ZNF335: variants seen among roughly 807,000 people sequenced by gnomAD.
ZNF335 encodes the protein NRC-interacting factor 1.
ZNF335 carries 84 observed loss-of-function variants against 145.6 expected under a neutral mutation model. The ratio of observed to expected loss-of-function variants is 0.58; its 90% CI spans 0.48 to 0.69. The LOEUF is 0.69. Among genes scored for constraint, ZNF335 ranks in the 30% least tolerant of loss-of-function variants. ZNF335 has a pLI of 0.00. For missense variants in ZNF335, 1,865 were observed against 1,809.7 expected (o/e 1.03, Z -0.55); for synonymous variants, 761 against 717.0 (o/e 1.06, Z -0.98).
chr20:45,953,729 G>T lies in ZNF335; in HGVS notation c.2662C>A (p.Pro888Thr), dbSNP rs748584505. The T allele has an allele frequency of 1.9e-6, 3 of 1,614,100 alleles. No homozygotes were observed. The highest frequency in any genetic ancestry group is 2.5e-6 in the Non-Finnish European group (3 of 1,180,022). ...GTGYSVITAP[P>T]MEEGTSAPGT... ...GGAGCTGATGTTCCCTCCTCCATAG[G>T]GGGTGCTGTGATGACACTGTAGCCA... Residue 888 changes from proline to threonine, a missense_variant, in exon 18 of 28, where the codon CCT becomes ACT. By Grantham distance (38) the Pro-to-Thr change is conservative (BLOSUM62 -1). Coordinates refer to ENST00000322927, the MANE Select transcript of ZNF335 (RefSeq NM_022095.4).
In ZNF335 at chr20:45,969,675, C is replaced by G. The variant is rs369210933; in HGVS notation, c.218G>C (p.Ser73Thr). ...AGGCAGGGGGTCTGCGCTCGAGCTG[C>G]TCTCAGATACCTCCTCCTGAGGGGC... ...GSRSQEEVSE[S>T]SSSADPLPNS... Residue 73 changes from serine to threonine, a missense_variant, in exon 3 of 28, where the codon AGC becomes ACC. Physicochemically the swap from Ser to Thr is moderately conservative, Grantham distance 58 (BLOSUM62 1). Transcript: ENST00000322927. 3.7e-6 allele frequency: 6 copies of G among 1,611,554 alleles called. No homozygotes were observed. In the African/African-American group the frequency reaches 6.7e-5, roughly 18 times the overall value.
At chr20:45,966,713 A>G (rs1471783985) in intron 6 of ZNF335, among the ~76,000 whole-genome samples, 2 of 151,230 alleles carry the variant, frequency 1.3e-5, no homozygotes, top group African/African-American at 4.9e-5. Context: ...CACCACACCC[A>G]GCTAATTTTT....
chr20:45,962,783 T>A (rs1461136420), intron 9 of ZNF335, among the ~76,000 whole-genome samples: 2 of 151,106 alleles, frequency 1.3e-5, no homozygotes, highest in African/African-American at 4.9e-5. Flanking sequence ...TAGCTTGTGT[T>A]AAGGAGAAAA....
intron 17 of ZNF335, 86 bp downstream of exon 17, chr20:45,957,500 C>T (rs1209976684): frequency 1.1e-5 from 14 of 1,315,744 alleles, no homozygotes; most frequent in Admixed American, 1.8e-5. Context: ...AGCTCTGATA[C>T]ACTGTTTTCC....
Position 45,960,599 on chromosome 20 carries a change from C to A in ZNF335, c.1782+17G>T, listed in dbSNP as rs1423248439. 2 of 1,613,960 alleles carry A rather than the reference C, an allele frequency of 1.2e-6. No homozygotes were observed. Among genetic ancestry groups the A allele is most frequent in the Admixed American group, 1.7e-5 (1 of 60,004 alleles). ...GGGGAGGCCCTCCTCTCAGCCCCAG[C>A]CCTGGCTCCCACCCACCTTGTCACA... is the stretch of plus-strand genomic sequence containing the variant. On this transcript the variant is annotated intron_variant, in intron 12 of 27. Transcript: ENST00000322927.
chr20:45,961,580 G>A (rs1277445250), intron 10 of ZNF335: 1 of 152,378 alleles, frequency 6.6e-6, no homozygotes, highest in Non-Finnish European at 1.5e-5. Context: ...CTGTCCCAGG[G>A]GATCTGTCTC....
intron 6 of ZNF335, chr20:45,967,205 T>C: frequency 2.3e-6 from 1 of 434,996 alleles, no homozygotes; most frequent in Non-Finnish European, 4.3e-6. Flanking sequence ...ATCATGATGC[T>C]ACACTCCAGT....
At chr20:45,965,520 C>G in intron 7 of ZNF335, 108 bp downstream of exon 7, 1 of 1,354,130 alleles carries the variant, frequency 7.4e-7, no homozygotes, top group Non-Finnish European at 9.8e-7. Flanking sequence ...CGGTTTGAGA[C>G]AGCTGCCCTG....
chr20:45,967,667 C>A lies in ZNF335; in HGVS notation c.815-33G>T. 1.9e-6 allele frequency: 3 copies of A among 1,612,026 alleles called. No homozygotes were observed. The South Asian group carries it at 3.3e-5, about 18-fold the overall frequency. The stretch of plus-strand genomic sequence containing the variant: ...TGGAGGGAGGGTAAGACAAGCTTGC[C>A]ATGTCTGGCTCCCAGCACCCCACCC... On this transcript the variant is annotated intron_variant, in intron 5 of 27. Transcript: ENST00000322927.
Position 45,949,245 on chromosome 20 carries a change from A to T in ZNF335, c.3826T>A (p.Tyr1276Asn). The change falls in exon 27 of 28, where the codon TAT (tyrosine) becomes AAT (asparagine). Residue 1276 changes from tyrosine to asparagine, a missense_variant. Tyr to Asn is a moderately radical substitution (Grantham distance 143). Coordinates refer to ENST00000322927, the MANE Select transcript of ZNF335 (RefSeq NM_022095.4). ...APFLQESQIQ[Y>N]VPVSPGQQLV... is the part of the protein sequence containing the mutation. The stretch of plus-strand genomic sequence containing the variant: ...TGCTGGCCTGGGGACACAGGCACAT[A>T]CTGGATCTGGAGGGGAGAAGCTGAT... 6.2e-7 allele frequency: 1 copy of T among 1,613,796 alleles called. No individual in the cohort carries two copies. Among genetic ancestry groups the T allele is most frequent in the African/African-American group, 1.3e-5 (1 of 75,010 alleles).
At chr20:45,965,534 G>T in intron 7 of ZNF335, 94 bp downstream of exon 7, 10 of 1,452,454 alleles carry the variant, frequency 6.9e-6, no homozygotes, top group Non-Finnish European at 9.2e-6. Flanking sequence ...TGCCCTGCAG[G>T]GCACACTCAG....
At chr20:45,955,582 G>A (rs575074180) in intron 17 of ZNF335, among the ~76,000 whole-genome samples, 1 of 152,034 alleles carries the variant, frequency 6.6e-6, no homozygotes, top group East Asian at 1.9e-4. Context: ...ACTTTGGGAG[G>A]CCAAGGCAGG....
intron 7 of ZNF335, 139 bp downstream of exon 7, chr20:45,965,489 C>T: frequency 1.0e-6 from 1 of 999,738 alleles, no homozygotes; most frequent in Non-Finnish European, 1.4e-6. Context: ...TTCCCCTTTC[C>T]CTGGAGGCCT....
Position 45,963,569 on chromosome 20 carries a change from G to C in ZNF335, c.1437C>G (p.Asp479Glu). ...CATGGGAGTTGACGTGGAAGCGCAG[G>C]TCCTCGTGGGACAGAAAGCGAGAAC... ...ICGSRFLSHE[D>E]LRFHVNSHEA... Residue 479 changes from aspartate to glutamate, a missense_variant, in exon 9 of 28, where the codon GAC becomes GAG. By Grantham distance (45) the Asp-to-Glu change is conservative. Coordinates refer to ENST00000322927, the MANE Select transcript of ZNF335 (RefSeq NM_022095.4). 1 of 1,614,224 alleles carries C rather than the reference G, an allele frequency of 6.2e-7. No individual in the cohort carries two copies.
intron 16 of ZNF335, 22 bp downstream of exon 16, chr20:45,957,813 C>T (rs909999032): frequency 6.2e-7 from 1 of 1,613,610 alleles, no homozygotes; most frequent in Non-Finnish European, 8.5e-7. Context: ...TCCATGAGCT[C>T]CTATCCTCCT....
In ZNF335 at chr20:45,957,820, T is replaced by C; in HGVS notation, c.2347+15A>G. On this transcript the variant is annotated intron_variant, in intron 16 of 27. Coordinates refer to ENST00000322927, the MANE Select transcript of ZNF335 (RefSeq NM_022095.4). ...TCCTACCCTCCATGAGCTCCTATCC[T>C]CCTACAGAGCTCACCTTGCTGGTAG... 2.5e-6 allele frequency: 4 copies of C among 1,612,404 alleles called. No homozygotes were observed. Among genetic ancestry groups the C allele is most frequent in the Non-Finnish European group, 3.4e-6 (4 of 1,178,916 alleles).
chr20:45,966,408 C>T (rs1263473322), intron 6 of ZNF335, among the ~76,000 whole-genome samples: 1 of 151,858 alleles, frequency 6.6e-6, no homozygotes, highest in Non-Finnish European at 1.5e-5. Flanking sequence ...ATGATGACTG[C>T]ATACTGAAAT....
intron 7 of ZNF335, among the ~76,000 whole-genome samples, chr20:45,965,233 C>T (rs1450647217): frequency 6.6e-6 from 1 of 152,036 alleles, no homozygotes; most frequent in East Asian, 1.9e-4. Context: ...AGCTGGTGCT[C>T]ACACCACGGC....
rs1253128803 is a variant in ZNF335, at chr20:45,953,716, C to T, written c.2675G>A (p.Gly892Glu). Residue 892 changes from glycine to glutamate, a missense_variant, in exon 18 of 28, where the codon GGA becomes GAA. By Grantham distance (98) the Gly-to-Glu change is moderately conservative. Coordinates refer to ENST00000322927, the MANE Select transcript of ZNF335 (RefSeq NM_022095.4). The part of the protein sequence containing the change: ...SVITAPPMEE[G>E]TSAPGTPYSE... Reference sequence around the variant, plus strand: ...GTAAGGTGTGCCAGGAGCTGATGTTCCCTCCTCCATAGGGGGTGCTGTGAT... The same window carrying T: ...GTAAGGTGTGCCAGGAGCTGATGTTTCCTCCTCCATAGGGGGTGCTGTGAT... 1.2e-6 allele frequency: 2 copies of T among 1,614,040 alleles called. No individual in the cohort carries two copies. The highest frequency in any genetic ancestry group is 2.2e-5 in the South Asian group (2 of 91,088).
Sources: allele counts gnomAD v4.1 joint callset (sites outside exome capture counted in the v4.1 genomes callset), GRCh38; gene constraint gnomAD v4.1.1; transcripts MANE v1.5; gene names NCBI Gene and HGNC (gene_info 2026-07-23, HGNC 2026-07-21).